The following GATAD2A variants were observed in gnomAD, a reference collection of about 807,000 sequenced individuals.
The protein encoded by GATAD2A is GATA zinc finger domain containing 2A.
In GATAD2A, 12 loss-of-function variants were observed where a neutral mutation model predicts 68.5. That is an observed-to-expected ratio of 0.18 (90% confidence interval 0.11 to 0.28). GATAD2A has a LOEUF of 0.28. Ranked by LOEUF, GATAD2A falls within the 10% of genes least tolerant of loss-of-function variation. GATAD2A has a pLI of 1.00. For missense variants in GATAD2A, 755 were observed against 868.5 expected (o/e 0.87, Z 1.64); for synonymous variants, 410 against 375.3 (o/e 1.09, Z -1.07).
In GATAD2A at chr19:19,495,634, T is replaced by TAAC; in HGVS notation, c.625-118_625-117insCAA. On this transcript the variant is annotated intron_variant, in intron 5 of 11. Transcript: ENST00000683918. Reference sequence around the variant, plus strand: ...AATTTTCTTTAACTTCTCTGCTACTTAAAAAAAAAAAAAAAAAAAAACTAG... The same window carrying TAAC: ...AATTTTCTTTAACTTCTCTGCTACTTAACAAAAAAAAAAAAAAAAAAAAACTAG... The TAAC allele has an allele frequency of 5.5e-6, 3 of 546,344 alleles. No individual in the cohort carries two copies. The East Asian group carries it at 1.0e-4, about 19-fold the overall frequency. The allele number at this position is 546,344 out of a possible 1,614,324, so 33.8% of individuals were successfully genotyped here. A position where few individuals can be genotyped will look rare whatever the true frequency, so the allele number is the denominator to read the frequency against.
intron 1 of GATAD2A, 70 bp from the exon 2 acceptor site, chr19:19,465,270 A>G: frequency 8.4e-7 from 1 of 1,191,602 alleles, no homozygotes; most frequent in South Asian, 1.3e-5. Context: ...AGCAACACTG[A>G]AAAGTCTCCA....
chr19:19,501,150 C>G lies in GATAD2A; in HGVS notation c.1237C>G (p.Arg413Gly). The G allele has an allele frequency of 6.2e-7, 1 of 1,613,014 alleles. No homozygotes were observed. Among genetic ancestry groups the G allele is most frequent in the Non-Finnish European group, 8.5e-7 (1 of 1,179,700 alleles). Residue 413 changes from arginine to glycine, a missense_variant, in exon 9 of 12, where the codon CGG becomes GGG. By Grantham distance (125) the Arg-to-Gly change is moderately radical. Coordinates refer to ENST00000683918, the MANE Select transcript of GATAD2A (RefSeq NM_001384528.1). Reference sequence around the variant, plus strand: ...GATGTCGGCCGCCACTGTGCTGTCCCGGGAGCCCTACATGTGTGCACAGTG... The same window carrying G: ...GATGTCGGCCGCCACTGTGCTGTCCGGGGAGCCCTACATGTGTGCACAGTG... ...GRMSAATVLSREPYMCAQCKT... is the reference protein window; with the variant it reads ...GRMSAATVLSGEPYMCAQCKT...
At chr19:19,399,038 G>T (rs1349637003) in intron 1 of GATAD2A, among the ~76,000 whole-genome samples, 1 of 150,746 alleles carries the variant, frequency 6.6e-6, no homozygotes, top group Non-Finnish European at 1.5e-5. Context: ...CAGCCTGGGC[G>T]ACAGAGTGAG....
chr19:19,422,140 G>A (rs1261802134), intron 1 of GATAD2A, among the ~76,000 whole-genome samples: 3 of 152,120 alleles, frequency 2.0e-5, no homozygotes, highest in Admixed American at 6.6e-5. Flanking sequence ...CTTATTTTTA[G>A]GCAGTGATTC....
At position 19,501,247 on chromosome 19, in the gene GATAD2A, C is replaced by A; in HGVS notation, c.1334C>A (p.Thr445Asn). The change falls in exon 9 of 12, where the codon ACC (threonine) becomes AAC (asparagine). Residue 445 changes from threonine to asparagine, a missense_variant. Physicochemically the swap from Thr to Asn is moderately conservative, Grantham distance 65. Coordinates refer to ENST00000683918, the MANE Select transcript of GATAD2A (RefSeq NM_001384528.1). ...ATCATGTGTGAGAACTGCATGACAACCAACCAGAAGAAGGCGCTCAAGGTG... is the reference window on the plus strand; with the variant it reads ...ATCATGTGTGAGAACTGCATGACAAACAACCAGAAGAAGGCGCTCAAGGTG... ...GAIMCENCMT[T>N]NQKKALKVEH... 1 of 1,613,510 alleles carries A rather than the reference C, an allele frequency of 6.2e-7. No homozygotes were observed. Among genetic ancestry groups the A allele is most frequent in the South Asian group, 1.1e-5 (1 of 91,086 alleles).
intron 2 of GATAD2A, among the ~76,000 whole-genome samples, chr19:19,483,781 ATTTTTTT>A (rs540958459): frequency 1.7e-4 from 22 of 130,004 alleles, no homozygotes; most frequent in Middle Eastern, 4.0e-3. Flanking sequence ...TACCCGGCTA[ATTTTTTT>A]TTTTTTTTTT....
intron 2 of GATAD2A, among the ~76,000 whole-genome samples, chr19:19,487,614 C>T (rs974240745): frequency 2.6e-5 from 4 of 152,106 alleles, no homozygotes; most frequent in Non-Finnish European, 5.9e-5. Flanking sequence ...AGTGGAACCC[C>T]GAGTTCTGCC....
At chr19:19,391,788 T>TG (rs2048860133) in intron 1 of GATAD2A, among the ~76,000 whole-genome samples, 1 of 152,216 alleles carries the variant, frequency 6.6e-6, no homozygotes, top group Non-Finnish European at 1.5e-5. Flanking sequence ...CTGCCCAGCT[T>TG]CTAACTCTGG....
rs897054172 is a variant in GATAD2A, at chr19:19,479,339, A to G, written c.270-12967A>G. On this transcript the variant is annotated intron_variant, in intron 2 of 11. Coordinates refer to ENST00000683918, the MANE Select transcript of GATAD2A (RefSeq NM_001384528.1). ...CTGCAAACCTCATCCCAGTCTCCACATTGTTAACAGACTACAGAACATGTG... is the reference window on the plus strand; with the variant it reads ...CTGCAAACCTCATCCCAGTCTCCACGTTGTTAACAGACTACAGAACATGTG... Among the ~76,000 whole-genome samples, 7 of 152,358 alleles carry G rather than the reference A, an allele frequency of 4.6e-5. No individual in the cohort carries two copies. In the South Asian group the frequency reaches 1.4e-3, roughly 32 times the overall value.
intron 2 of GATAD2A, among the ~76,000 whole-genome samples, chr19:19,468,377 G>T (rs1424919442): frequency 2.0e-5 from 3 of 152,200 alleles, no homozygotes; most frequent in African/African-American, 7.2e-5. Context: ...CTCTGTTTTA[G>T]CCCAAGGTTG....
chr19:19,481,474 G>A (rs974800157), intron 2 of GATAD2A, among the ~76,000 whole-genome samples: 4 of 152,170 alleles, frequency 2.6e-5, no homozygotes, highest in African/African-American at 9.7e-5. Flanking sequence ...GGGACTACAG[G>A]TGCTTGCCAC....
intron 1 of GATAD2A, among the ~76,000 whole-genome samples, chr19:19,455,778 A>G (rs2056867196): frequency 1.3e-5 from 2 of 152,184 alleles, no homozygotes; most frequent in Admixed American, 6.5e-5. Flanking sequence ...CTGTCCTGTC[A>G]GAACCACAGA....
chr19:19,507,808 A>T lies in GATAD2A; in HGVS notation c.*2334A>T, dbSNP rs564495884. The T allele has an allele frequency of 6.6e-6, 1 of 151,492 alleles. No homozygotes were observed. Among genetic ancestry groups the T allele is most frequent in the African/African-American group, 2.4e-5 (1 of 41,190 alleles). The allele number at this position is 151,492 out of a possible 1,614,324, so 9.4% of individuals were successfully genotyped here. A position where few individuals can be genotyped will look rare whatever the true frequency, so the allele number is the denominator to read the frequency against. ...TGTGAGATGCCTTAATCTTTCCTTC[A>T]TTTCTGCTGTCTCGAACACTCTAGC... is the stretch of plus-strand genomic sequence containing the variant. On this transcript the variant is annotated 3_prime_UTR_variant, in exon 12 of 12. Transcript: ENST00000683918.
At position 19,415,401 on chromosome 19, in the gene GATAD2A, C is replaced by T. The variant is rs1050462974; in HGVS notation, c.-7+9382C>T. Reference sequence around the variant, plus strand: ...AACTCGCGACTTCAGGTGATCTGCCCGCTTTGGCCTCCCAAAGCCCTGGGA... The same window carrying T: ...AACTCGCGACTTCAGGTGATCTGCCTGCTTTGGCCTCCCAAAGCCCTGGGA... On this transcript the variant is annotated intron_variant, in intron 1 of 11. Coordinates refer to ENST00000683918, the MANE Select transcript of GATAD2A (RefSeq NM_001384528.1). Among the ~76,000 whole-genome samples the T allele has an allele frequency of 7.9e-5, 12 of 151,422 alleles. No homozygotes were observed. In the East Asian group the frequency reaches 9.7e-4, roughly 12 times the overall value.
chr19:19,473,510 C>T (rs925667377), intron 2 of GATAD2A, among the ~76,000 whole-genome samples: 4 of 152,108 alleles, frequency 2.6e-5, no homozygotes. Flanking sequence ...TCTTTTTAGA[C>T]TTTTGCAGTC....
chr19:19,413,809 T>C (rs2051256007), intron 1 of GATAD2A, among the ~76,000 whole-genome samples: 1 of 152,178 alleles, frequency 6.6e-6, no homozygotes, highest in Non-Finnish European at 1.5e-5. Flanking sequence ...GGTCTCGAAC[T>C]CCTGACCTCA....
At chr19:19,439,000 T>C (rs2147599926) in intron 1 of GATAD2A, among the ~76,000 whole-genome samples, 1 of 152,360 alleles carries the variant, frequency 6.6e-6, no homozygotes, top group East Asian at 1.9e-4. Context: ...AGCCCACACT[T>C]GCTTTAAGTG....
chr19:19,505,455 A>G lies in GATAD2A; in HGVS notation c.1886A>G (p.Gln629Arg), dbSNP rs2060826441. 6.2e-7 allele frequency: 1 copy of G among 1,604,262 alleles called. No homozygotes were observed. Among genetic ancestry groups the G allele is most frequent in the South Asian group, 1.1e-5 (1 of 90,006 alleles). The change falls in exon 12 of 12, where the codon CAG (glutamine) becomes CGG (arginine). Residue 629 changes from glutamine (Q) to arginine (R), a missense_variant. By Grantham distance (43) the Gln-to-Arg change is conservative (BLOSUM62 1). Transcript: ENST00000683918. ...LDMIPPRSIP[Q>R]SATWK Reference sequence around the variant, plus strand: ...ATGATCCCACCCCGCTCCATCCCCCAGTCAGCCACGTGGAAATAGTGCGAG... The same window carrying G: ...ATGATCCCACCCCGCTCCATCCCCCGGTCAGCCACGTGGAAATAGTGCGAG...
chr19:19,394,445 CTTTT>C (rs990895981), intron 1 of GATAD2A, among the ~76,000 whole-genome samples: 3 of 132,150 alleles, frequency 2.3e-5, no homozygotes, highest in Admixed American at 7.7e-5. Context: ...GGGCTTTCCT[CTTTT>C]TTTTTTTTTT....
Sources: gnomAD v4.1 joint callset for allele counts (sites outside exome capture counted in the v4.1 genomes callset) on GRCh38, gnomAD v4.1.1 for gene constraint, MANE v1.5 for transcripts, NCBI Gene and HGNC (gene_info 2026-07-23, HGNC 2026-07-21) for gene names.